The following ORMDL1 variants were observed in gnomAD, a reference collection of about 807,000 sequenced individuals.
ORMDL1 encodes ORMDL sphingolipid biosynthesis regulator 1, also known as ORM1-like protein 1.
A neutral mutation model predicts 13.0 loss-of-function variants in ORMDL1; 10 were observed. The observed-to-expected ratio is 0.77, with a 90% CI of 0.47 to 1.30. The LOEUF (loss-of-function observed/expected upper bound fraction) is 1.30, where lower values mean the gene tolerates loss of function less well. Among genes scored for constraint, ORMDL1 ranks in the 50% most tolerant of loss-of-function variants. The probability of loss-of-function intolerance (pLI) is 0.00; values close to 1 mark genes in which losing one functional copy is unlikely to be tolerated. For synonymous variants in ORMDL1, 61 were observed against 63.9 expected (o/e 0.95, Z 0.22); for missense variants, 171 against 186.7 (o/e 0.92, Z 0.49).
At chr2:189,776,291 C>T (rs1412888406) in intron 3 of ORMDL1, among the ~76,000 whole-genome samples, 2 of 152,070 alleles carry the variant, frequency 1.3e-5, no homozygotes, top group South Asian at 2.1e-4. Context: ...CTTTTTAAAT[C>T]GCTATTGTGC....
chr2:189,770,467 C>T lies in ORMDL1; in HGVS notation c.*1300G>A, dbSNP rs1387261779. ...TTGAGATACAAAACAATGATCATTA[C>T]CCCCAAAAGTCAGTTTACTGACACG... On this transcript the variant is annotated 3_prime_UTR_variant, in exon 5 of 5. Transcript: ENST00000392349. The T allele has an allele frequency of 6.6e-6, 1 of 152,068 alleles. No individual in the cohort carries two copies. Among genetic ancestry groups the T allele is most frequent in the Non-Finnish European group, 1.5e-5 (1 of 68,002 alleles). 9.4% of individuals were successfully genotyped at this position (152,068 alleles called of 1,614,324 possible).
chr2:189,774,706 C>A (rs1222283402), intron 4 of ORMDL1: 2 of 152,168 alleles, frequency 1.3e-5, no homozygotes, highest in African/African-American at 4.8e-5. Flanking sequence ...AACATATATA[C>A]ATTTTTTTAT....
the ORMDL1 span, chr2:189,764,136 A>C: frequency 1.3e-5 from 2 of 152,234 alleles, no homozygotes; most frequent in South Asian, 2.1e-4. Flanking sequence ...AAAATAACTC[A>C]CATTTTCTCT....
intron 4 of ORMDL1, among the ~76,000 whole-genome samples, chr2:189,773,554 T>C (rs2047626232): frequency 6.6e-6 from 1 of 151,912 alleles, no homozygotes; most frequent in African/African-American, 2.4e-5. Context: ...AAACCCCATC[T>C]CTACTAAAAA....
At chr2:189,768,945 T>G (rs531577700), downstream of ORMDL1, among the ~76,000 whole-genome samples, 2 of 152,328 alleles carry the variant, frequency 1.3e-5, no homozygotes, top group East Asian at 3.9e-4. Flanking sequence ...TGAAGAGTTA[T>G]GTAAAGATTA....
At chr2:189,779,155 G>A (rs758659435) in intron 3 of ORMDL1, among the ~76,000 whole-genome samples, 1 of 152,136 alleles carries the variant, frequency 6.6e-6, no homozygotes, top group African/African-American at 2.4e-5. Context: ...TCCAGCCTGG[G>A]TAACAGAGTG....
chr2:189,765,731 T>A (rs2047469431), downstream of ORMDL1, among the ~76,000 whole-genome samples: 1 of 152,136 alleles, frequency 6.6e-6, no homozygotes, highest in African/African-American at 2.4e-5. Context: ...GTGGTGCTTT[T>A]AATGGCTAGT....
chr2:189,764,698 T>A, the ORMDL1 span, among the ~76,000 whole-genome samples: 8 of 152,354 alleles, frequency 5.3e-5, no homozygotes, highest in Non-Finnish European at 8.8e-5. Flanking sequence ...CCTATGTAAG[T>A]TCAACATAAA....
At chr2:189,765,927 A>T (rs1239709754), downstream of ORMDL1, among the ~76,000 whole-genome samples, 1 of 148,068 alleles carries the variant, frequency 6.8e-6, no homozygotes, top group African/African-American at 2.6e-5. Flanking sequence ...CCCGGGTTCA[A>T]GCGATTCTCC....
chr2:189,783,581 C>A, intron 1 of ORMDL1: 1 of 152,200 alleles, frequency 6.6e-6, no homozygotes, highest in Non-Finnish European at 1.5e-5. Context: ...ATAGAACAGG[C>A]ATCAAGGGTT....
At chr2:189,777,900 C>A (rs1398746804) in intron 3 of ORMDL1, among the ~76,000 whole-genome samples, 1 of 152,178 alleles carries the variant, frequency 6.6e-6, no homozygotes, top group Non-Finnish European at 1.5e-5. Flanking sequence ...TCAATATGTA[C>A]TTCAGATTTT....
intron 4 of ORMDL1, 152 bp from the exon 5 acceptor site, chr2:189,772,054 G>C: frequency 1.6e-6 from 1 of 637,904 alleles, no homozygotes; most frequent in Non-Finnish European, 2.4e-6. Flanking sequence ...GAATCGGTTT[G>C]GTCCCAAGTT....
At chr2:189,766,804 C>T (rs1048004040), downstream of ORMDL1, among the ~76,000 whole-genome samples, 3 of 152,050 alleles carry the variant, frequency 2.0e-5, no homozygotes, top group Non-Finnish European at 4.4e-5. Context: ...AACCACCATT[C>T]CACTTTAAAT....
chr2:189,769,812 A>G (rs1225107), downstream of ORMDL1, among the ~76,000 whole-genome samples: 149,503 of 152,330 alleles, frequency 0.98, 73,425 homozygotes, highest in South Asian at 1. Flanking sequence ...GAACTCCACA[A>G]TAGTAATTGC....
At chr2:189,764,527 T>C in the ORMDL1 span, 2 of 152,356 alleles carry the variant, frequency 1.3e-5, no homozygotes, top group East Asian at 1.9e-4. Flanking sequence ...GTGGCACTTA[T>C]ACAAGTCCCA....
chr2:189,776,797 T>C (rs899536717), intron 3 of ORMDL1, among the ~76,000 whole-genome samples: 2 of 152,092 alleles, frequency 1.3e-5, no homozygotes, highest in African/African-American at 2.4e-5. Context: ...AAACATTTAA[T>C]AGGTGGCTTA....
chr2:189,775,453 CTTA>C (rs763206226), intron 4 of ORMDL1, 109 bp downstream of exon 4: 61 of 1,183,228 alleles, frequency 5.2e-5, no homozygotes, highest in African/African-American at 1.4e-4. Flanking sequence ...CGAGGTGCTA[CTTA>C]TTGATAGAAG....
downstream of ORMDL1, chr2:189,765,278 A>G (rs1323837072): frequency 6.6e-6 from 1 of 152,210 alleles, no homozygotes; most frequent in Non-Finnish European, 1.5e-5. Flanking sequence ...CTCTGTTCTC[A>G]AGAATCTGAG....
chr2:189,769,680 T>G (rs1574959545), downstream of ORMDL1, among the ~76,000 whole-genome samples: 1 of 151,854 alleles, frequency 6.6e-6, no homozygotes, highest in African/African-American at 2.4e-5. Flanking sequence ...ACCCAAAGAA[T>G]GAAATATCCA....
Sources: allele counts gnomAD v4.1 joint callset (sites outside exome capture counted in the v4.1 genomes callset), GRCh38; gene constraint gnomAD v4.1.1; transcripts MANE v1.5; gene names NCBI Gene and HGNC (gene_info 2026-07-23, HGNC 2026-07-21).